IL1RAPL2: variants seen among roughly 807,000 people sequenced by gnomAD.
The protein encoded by IL1RAPL2 is X-linked interleukin-1 receptor accessory protein-like 2.
IL1RAPL2 carries 3 observed loss-of-function variants against 44.1 expected under a neutral mutation model. The observed-to-expected ratio is 0.07, with a 90% CI of 0.03 to 0.18. The LOEUF (loss-of-function observed/expected upper bound fraction) is 0.18. Among genes scored for constraint, IL1RAPL2 ranks in the 10% least tolerant of loss-of-function variants. IL1RAPL2 has a pLI of 1.00. For synonymous variants in IL1RAPL2, 181 were observed against 178.8 expected (o/e 1.01, Z -0.10); for missense variants, 391 against 496.4 (o/e 0.79, Z 2.02).
At chrX:104,608,384 T>A (rs999619621) in intron 1 of IL1RAPL2, among the ~76,000 whole-genome samples, 1 of 110,934 alleles carries the variant, frequency 9.0e-6, no homozygotes, top group Non-Finnish European at 1.9e-5. Flanking sequence ...AGTCCTGGAA[T>A]CCCTTGTTAA....
intron 1 of IL1RAPL2, among the ~76,000 whole-genome samples, chrX:104,644,063 A>C (rs1226439080): frequency 8.9e-6 from 1 of 111,740 alleles, no homozygotes; most frequent in Non-Finnish European, 1.9e-5. Flanking sequence ...ATTGCCACGC[A>C]ATTCTTGTTG....
At chrX:104,891,074 G>A (rs1602786756) in intron 2 of IL1RAPL2, among the ~76,000 whole-genome samples, 1 of 111,686 alleles carries the variant, frequency 9.0e-6, no homozygotes, top group East Asian at 2.8e-4. Flanking sequence ...CCCATTTCTT[G>A]TTTTTGTCAG....
Position 105,271,936 on chromosome X carries a change from T to G in IL1RAPL2, c.697+4395T>G, listed in dbSNP as rs1262611026. Among the ~76,000 whole-genome samples the G allele has an allele frequency of 7.3e-5, 8 of 109,170 alleles. No homozygotes were observed. In the East Asian group the frequency reaches 2.3e-3, roughly 32 times the overall value. 94.8% of individuals were successfully genotyped at this position (109,170 alleles called of 115,157 possible). ...GTTGCTTATCAGCTTAAGGAGATTT[T>G]GGGCTGAGACAATGGGGTTTTCTAG... On this transcript the variant is annotated intron_variant, in intron 5 of 10. Transcript: ENST00000372582.
At chrX:105,740,067 T>A (rs1166429586) in intron 7 of IL1RAPL2, among the ~76,000 whole-genome samples, 1 of 107,728 alleles carries the variant, frequency 9.3e-6, no homozygotes, top group African/African-American at 3.4e-5. Context: ...GGTATCTCAT[T>A]GTGGTTTTGA....
chrX:104,627,372 T>C (rs1403525119), intron 1 of IL1RAPL2, among the ~76,000 whole-genome samples: 1 of 104,797 alleles, frequency 9.5e-6, no homozygotes, highest in Non-Finnish European at 2.0e-5. Flanking sequence ...TTAGGAGATA[T>C]ACCTAATGTA....
chrX:105,492,123 T>G (rs2036324599), intron 6 of IL1RAPL2, among the ~76,000 whole-genome samples: 1 of 111,876 alleles, frequency 8.9e-6, no homozygotes, highest in Admixed American at 9.5e-5. Context: ...ATTTACTAGG[T>G]ACTAGGCACT....
intron 2 of IL1RAPL2, among the ~76,000 whole-genome samples, chrX:105,138,947 G>A (rs925788467): frequency 3.6e-5 from 4 of 111,194 alleles, no homozygotes; most frequent in Non-Finnish European, 5.7e-5. Flanking sequence ...CAGAGATAAG[G>A]TTACATGCCT....
At chrX:104,588,882 A>G (rs1928611723) in intron 1 of IL1RAPL2, among the ~76,000 whole-genome samples, 1 of 111,795 alleles carries the variant, frequency 8.9e-6, no homozygotes, top group African/African-American at 3.3e-5. Flanking sequence ...TTTGAGTTTT[A>G]AGAGGTGAAA....
intron 5 of IL1RAPL2, among the ~76,000 whole-genome samples, chrX:105,373,152 C>CT (rs1569430688): frequency 8.9e-6 from 1 of 112,447 alleles, no homozygotes; most frequent in Non-Finnish European, 1.9e-5. Flanking sequence ...ATAAGCATTC[C>CT]TTTTTCTTCA....
At chrX:104,902,992 C>T (rs1185492782) in intron 2 of IL1RAPL2, among the ~76,000 whole-genome samples, 7 of 111,618 alleles carry the variant, frequency 6.3e-5, no homozygotes, top group Non-Finnish European at 1.3e-4. Flanking sequence ...AATTGATGTA[C>T]ATTAATTTAG....
chrX:104,855,441 A>T (rs1922331475), intron 2 of IL1RAPL2, among the ~76,000 whole-genome samples: 1 of 111,276 alleles, frequency 9.0e-6, no homozygotes, highest in Non-Finnish European at 1.9e-5. Context: ...ATACAGTGGG[A>T]AAATGGTTAT....
intron 2 of IL1RAPL2, among the ~76,000 whole-genome samples, chrX:105,022,704 A>G (rs996829228): frequency 8.1e-5 from 9 of 110,951 alleles, no homozygotes; most frequent in South Asian, 7.6e-4. Flanking sequence ...GCCCTCCCCT[A>G]TTACAGTGGC....
rs760247362 is a variant in IL1RAPL2, at chrX:104,777,670, C to T, written c.82+118675C>T. On this transcript the variant is annotated intron_variant, in intron 2 of 10. Transcript: ENST00000372582. ...CACCTCACTGCAACCTCGGCCTCCC[C>T]GGTTCAAGCAATTCTTGTGCCTCAG... Among the ~76,000 whole-genome samples, 346 of 108,523 alleles carry T rather than the reference C, an allele frequency of 3.2e-3. 1 individual carries two copies. Among genetic ancestry groups the T allele is most frequent in the Non-Finnish European group, 5.2e-3 (272 of 52,414 alleles). The allele number at this position is 108,523 out of a possible 115,157, so 94.2% of individuals were successfully genotyped here.
chrX:105,472,358 C>T (rs982926012), intron 5 of IL1RAPL2, among the ~76,000 whole-genome samples: 2 of 111,308 alleles, frequency 1.8e-5, no homozygotes, highest in African/African-American at 6.5e-5. Context: ...AGTTAACTGG[C>T]AAGTTTACTC....
chrX:104,597,032 T>A (rs185220666), intron 1 of IL1RAPL2, among the ~76,000 whole-genome samples: 2 of 111,091 alleles, frequency 1.8e-5, no homozygotes, highest in African/African-American at 6.5e-5. Context: ...AGGAGAACTA[T>A]ATGCTGAAAA....
At chrX:105,495,232 A>G (rs1317069124) in intron 6 of IL1RAPL2, among the ~76,000 whole-genome samples, 1 of 112,276 alleles carries the variant, frequency 8.9e-6, no homozygotes, top group Admixed American at 9.4e-5. Context: ...AAAAGAGGGC[A>G]CACCTGGCAA....
At chrX:105,262,945 G>T (rs1477467793) in intron 4 of IL1RAPL2, among the ~76,000 whole-genome samples, 1 of 110,100 alleles carries the variant, frequency 9.1e-6, no homozygotes, top group Non-Finnish European at 1.9e-5. Flanking sequence ...GAGTGCAATG[G>T]TGCAATCTTG....
In IL1RAPL2 at chrX:105,245,736, A is replaced by G. The variant is rs757278595; in HGVS notation, c.543+11732A>G. On this transcript the variant is annotated intron_variant, in intron 4 of 10. Coordinates refer to ENST00000372582, the MANE Select transcript of IL1RAPL2 (RefSeq NM_017416.2). ...TGTGGAGTCATTTTATCCCATTTCT[A>G]AATGTCCTAATTTTGATAGGATATT... 1.1e-4 allele frequency among the ~76,000 whole-genome samples: 12 copies of G among 112,745 alleles called. No individual in the cohort carries two copies. The East Asian group carries it at 3.4e-3, about 32-fold the overall frequency.
chrX:105,053,084 G>A (rs1407820512), intron 2 of IL1RAPL2, among the ~76,000 whole-genome samples: 1 of 110,458 alleles, frequency 9.1e-6, no homozygotes, highest in African/African-American at 3.3e-5. Flanking sequence ...GCTGCAGACC[G>A]GAGCTGTTTC....
Sources: gnomAD v4.1 joint callset for allele counts (sites outside exome capture counted in the v4.1 genomes callset) on GRCh38, gnomAD v4.1.1 for gene constraint, MANE v1.5 for transcripts, NCBI Gene and HGNC (gene_info 2026-07-23, HGNC 2026-07-21) for gene names.